HDAC4: variants seen among roughly 807,000 people sequenced by gnomAD.
HDAC4 encodes histone deacetylase A.
A neutral mutation model predicts 135.1 loss-of-function variants in HDAC4; 16 were observed. The ratio of observed to expected loss-of-function variants is 0.12; its 90% CI spans 0.08 to 0.18. The LOEUF (loss-of-function observed/expected upper bound fraction) is 0.18, where lower values mean the gene tolerates loss of function less well. HDAC4 is among the 10% of genes least tolerant of loss of function. The pLI is 1.00. For synonymous variants in HDAC4, 685 were observed against 653.4 expected (o/e 1.05, Z -0.74); for missense variants, 1,143 against 1,511.8 (o/e 0.76, Z 4.05).
chr2:239,273,601 C>T (rs1048742572), intron 2 of HDAC4, among the ~76,000 whole-genome samples: 15 of 152,316 alleles, frequency 9.8e-5, no homozygotes, highest in African/African-American at 2.9e-4. Flanking sequence ...AGAACGCCCA[C>T]GCCCCCATGC....
chr2:239,124,700 CATGTTATGTG>C (rs2152842974), intron 12 of HDAC4, among the ~76,000 whole-genome samples: 72 of 128,474 alleles, frequency 5.6e-4, no homozygotes, highest in East Asian at 7.8e-4. Context: ...TATGACATTC[CATGTTATGTG>C]ACATTCTGGT....
At chr2:239,394,478 G>A (rs1402055678) in intron 1 of HDAC4, among the ~76,000 whole-genome samples, 1 of 152,238 alleles carries the variant, frequency 6.6e-6, no homozygotes, top group East Asian at 1.9e-4. Context: ...TGGAGAACAA[G>A]CTGCACACAC....
chr2:239,293,954 G>C (rs550437309), intron 2 of HDAC4, among the ~76,000 whole-genome samples: 2 of 152,232 alleles, frequency 1.3e-5, no homozygotes, highest in Non-Finnish European at 2.9e-5. Context: ...AGTAACAGGA[G>C]GACTTTAAAT....
chr2:239,385,515 G>A (rs987840634), intron 1 of HDAC4, among the ~76,000 whole-genome samples: 2 of 149,314 alleles, frequency 1.3e-5, no homozygotes, highest in African/African-American at 2.6e-5. Context: ...GTGGCCACAG[G>A]GGCCCCTGTT....
At chr2:239,156,543 A>T (rs2152950630) in intron 7 of HDAC4, 109 bp downstream of exon 7, 1 of 1,288,762 alleles carries the variant, frequency 7.8e-7, no homozygotes, top group Non-Finnish European at 1.1e-6. Context: ...AAAAATCTGC[A>T]GGTGATTCCT....
intron 2 of HDAC4, among the ~76,000 whole-genome samples, chr2:239,255,379 G>A (rs933922207): frequency 2.0e-5 from 3 of 151,756 alleles, no homozygotes; most frequent in Admixed American, 1.3e-4. Flanking sequence ...GAACAACATA[G>A]ACCTTAAAAT....
intron 1 of HDAC4, among the ~76,000 whole-genome samples, chr2:239,388,087 G>A (rs12617218): frequency 0.4 from 61,198 of 152,138 alleles, 14,320 homozygotes; most frequent in East Asian, 0.83. Flanking sequence ...GGCAGGACGC[G>A]GCTGGGCAGG....
At chr2:239,271,587 C>T (rs1276161363) in intron 2 of HDAC4, among the ~76,000 whole-genome samples, 1 of 152,060 alleles carries the variant, frequency 6.6e-6, no homozygotes, top group African/African-American at 2.4e-5. Context: ...AGCTCTCCAT[C>T]CCCCGATGTG....
intron 12 of HDAC4, among the ~76,000 whole-genome samples, chr2:239,121,446 C>T (rs535725134): frequency 5.3e-5 from 8 of 152,198 alleles, no homozygotes; most frequent in Non-Finnish European, 7.3e-5. Context: ...TCGGCAGCCG[C>T]GTCTACCGTG....
intron 2 of HDAC4, among the ~76,000 whole-genome samples, chr2:239,244,806 C>T (rs2048378362): frequency 1.3e-5 from 2 of 152,144 alleles, no homozygotes; most frequent in African/African-American, 4.8e-5. Flanking sequence ...ATCCTCCCTC[C>T]ACTGTGCGGC....
At chr2:239,099,199 G>A (rs1229121827) in intron 16 of HDAC4, among the ~76,000 whole-genome samples, 3 of 152,190 alleles carry the variant, frequency 2.0e-5, no homozygotes, top group African/African-American at 4.8e-5. Flanking sequence ...TCCATCCTCC[G>A]CCCACTGAAT....
intron 3 of HDAC4, among the ~76,000 whole-genome samples, chr2:239,215,806 C>T (rs1379219543): frequency 3.9e-5 from 6 of 152,202 alleles, no homozygotes; most frequent in Admixed American, 2.0e-4. Context: ...TCATCAGTTC[C>T]GCGCAGGCAC....
intron 12 of HDAC4, among the ~76,000 whole-genome samples, chr2:239,116,127 G>A (rs535629614): frequency 6.6e-6 from 1 of 152,122 alleles, no homozygotes; most frequent in African/African-American, 2.4e-5. Context: ...CCTGCTCCCC[G>A]CCTGCTCCTC....
chr2:239,094,665 A>G (rs1201202171), intron 17 of HDAC4: 1 of 1,194,012 alleles, frequency 8.4e-7, no homozygotes, highest in Non-Finnish European at 1.1e-6. Flanking sequence ...CACGCATCCT[A>G]CCCGCACCAT....
At chr2:239,155,184 C>T (rs897701289) in intron 7 of HDAC4, among the ~76,000 whole-genome samples, 1 of 151,062 alleles carries the variant, frequency 6.6e-6, no homozygotes, top group Non-Finnish European at 1.5e-5. Flanking sequence ...CATGGCTGAC[C>T]CAATACGGCC....
chr2:239,378,385 G>T (rs758979019), intron 1 of HDAC4, among the ~76,000 whole-genome samples: 1 of 152,170 alleles, frequency 6.6e-6, no homozygotes, highest in Non-Finnish European at 1.5e-5. Flanking sequence ...CGTTGGCCCC[G>T]GGGAACGAAG....
chr2:239,210,881 G>A (rs2046325109), intron 3 of HDAC4, among the ~76,000 whole-genome samples: 1 of 152,142 alleles, frequency 6.6e-6, no homozygotes, highest in African/African-American at 2.4e-5. Flanking sequence ...CCTTCCACGG[G>A]ACAAGGACGA....
chr2:239,209,776 T>A (rs775779381), intron 3 of HDAC4, among the ~76,000 whole-genome samples: 1 of 152,162 alleles, frequency 6.6e-6, no homozygotes, highest in Non-Finnish European at 1.5e-5. Flanking sequence ...ATCCGTAACA[T>A]GTAAGTAACT....
At chr2:239,180,431 G>A (rs544594453) in intron 4 of HDAC4, among the ~76,000 whole-genome samples, 23 of 152,132 alleles carry the variant, frequency 1.5e-4, no homozygotes, top group African/African-American at 5.3e-4. Flanking sequence ...TGTAAATAGG[G>A]AAGAAAGGAT....
Sources: gnomAD v4.1 joint callset for allele counts (sites outside exome capture counted in the v4.1 genomes callset) on GRCh38, gnomAD v4.1.1 for gene constraint, MANE v1.5 for transcripts, NCBI Gene and HGNC (gene_info 2026-07-23, HGNC 2026-07-21) for gene names.